The following DAB1 variants were observed in gnomAD, a reference collection of about 807,000 sequenced individuals.
The protein encoded by DAB1 is disabled homolog 1.
A neutral mutation model predicts 64.6 loss-of-function variants in DAB1; 15 were observed. The observed-to-expected ratio is 0.23, with a 90% CI of 0.16 to 0.36. DAB1 has a LOEUF of 0.36. DAB1 is among the 10% of genes least tolerant of loss of function. DAB1 has a pLI of 1.00. For synonymous variants in DAB1, 235 were observed against 251.9 expected, an observed-to-expected ratio of 0.93 and a Z score of 0.64; for missense variants, 596 against 706.7, an observed-to-expected ratio of 0.84 and a Z score of 1.78.
chr1:57,544,849 T>A (rs1225446004), intron 7 of DAB1, among the ~76,000 whole-genome samples: 1 of 152,226 alleles, frequency 6.6e-6, no homozygotes, highest in African/African-American at 2.4e-5. Flanking sequence ...TGCTTCCCTT[T>A]CCACCCGTGA....
intron 7 of DAB1, among the ~76,000 whole-genome samples, chr1:57,645,223 A>C (rs977446039): frequency 6.6e-6 from 1 of 152,194 alleles, no homozygotes; most frequent in African/African-American, 2.4e-5. Flanking sequence ...AATGTAATTC[A>C]ATCTAGTCAC....
intron 6 of DAB1, among the ~76,000 whole-genome samples, chr1:57,811,443 C>G (rs1354785519): frequency 6.6e-6 from 1 of 152,144 alleles, no homozygotes; most frequent in East Asian, 1.9e-4. Context: ...TCTGACTTCC[C>G]CTTTGCCTTC....
chr1:58,226,030 G>A (rs1195883360), intron 4 of DAB1, among the ~76,000 whole-genome samples: 3 of 150,426 alleles, frequency 2.0e-5, no homozygotes, highest in Non-Finnish European at 4.4e-5. Context: ...GGGAGCTTGA[G>A]CCAGGATTTG....
chr1:57,967,229 G>T (rs950530456), intron 5 of DAB1, among the ~76,000 whole-genome samples: 1 of 152,070 alleles, frequency 6.6e-6, no homozygotes, highest in Admixed American at 6.6e-5. Flanking sequence ...TCATTAATTA[G>T]CACTGTCCCT....
chr1:57,602,710 G>A (rs1645588993), intron 7 of DAB1, among the ~76,000 whole-genome samples: 1 of 152,132 alleles, frequency 6.6e-6, no homozygotes, highest in Non-Finnish European at 1.5e-5. Flanking sequence ...AGAACTGATA[G>A]ACCAAATTTA....
At chr1:58,523,769 G>A (rs1453408180) in intron 2 of DAB1, among the ~76,000 whole-genome samples, 3 of 152,148 alleles carry the variant, frequency 2.0e-5, no homozygotes, top group Non-Finnish European at 4.4e-5. Context: ...CATGGTGGTG[G>A]GTGCCTGTAA....
intron 4 of DAB1, among the ~76,000 whole-genome samples, chr1:58,191,119 G>A (rs1657366382): frequency 6.6e-6 from 1 of 152,200 alleles, no homozygotes; most frequent in African/African-American, 2.4e-5. Flanking sequence ...GATACATGGA[G>A]GATGGTGTAA....
intron 6 of DAB1, among the ~76,000 whole-genome samples, chr1:57,653,282 C>A (rs1200973273): frequency 6.6e-6 from 1 of 152,122 alleles, no homozygotes; most frequent in Non-Finnish European, 1.5e-5. Flanking sequence ...TAGTTGTATT[C>A]ATAAACAATA....
intron 6 of DAB1, among the ~76,000 whole-genome samples, chr1:57,748,357 G>C (rs1454965189): frequency 6.6e-6 from 1 of 152,104 alleles, no homozygotes; most frequent in African/African-American, 2.4e-5. Flanking sequence ...ATGAGATCTT[G>C]GTCATGCCAT....
intron 4 of DAB1, among the ~76,000 whole-genome samples, chr1:57,098,444 C>T (rs1442544802): frequency 6.6e-6 from 1 of 152,178 alleles, no homozygotes; most frequent in Non-Finnish European, 1.5e-5. Context: ...GAAAACAGCT[C>T]ACGGACCCCC....
intron 3 of DAB1, among the ~76,000 whole-genome samples, chr1:58,416,152 C>T (rs1644717912): frequency 6.6e-6 from 1 of 151,996 alleles, no homozygotes; most frequent in African/African-American, 2.4e-5. Flanking sequence ...GCAGTGTGTC[C>T]CAGCTCACAT....
chr1:57,356,281 A>G (rs975226746), intron 1 of DAB1, among the ~76,000 whole-genome samples: 6 of 152,120 alleles, frequency 3.9e-5, no homozygotes, highest in Admixed American at 2.0e-4. Context: ...CCTTGCCTTT[A>G]AAGTGGACAC....
At chr1:58,216,195 A>C (rs955009016) in intron 4 of DAB1, among the ~76,000 whole-genome samples, 1 of 150,908 alleles carries the variant, frequency 6.6e-6, no homozygotes. Context: ...CCACCCCCCA[A>C]CAGGCCTTGG....
intron 1 of DAB1, among the ~76,000 whole-genome samples, chr1:57,342,397 AT>A (rs1677663987): frequency 6.6e-6 from 1 of 152,196 alleles, no homozygotes; most frequent in Non-Finnish European, 1.5e-5. Flanking sequence ...AAGGGTTCAT[AT>A]TTTGTTATTT....
At position 57,765,266 on chromosome 1, in the gene DAB1, T is replaced by C. The variant is rs544062133; in HGVS notation, n.552-115601A>G. Among the ~76,000 whole-genome samples the C allele has an allele frequency of 1.6e-4, 24 of 152,294 alleles. 1 individual carries two copies. In the South Asian group the frequency reaches 3.1e-3, roughly 20 times the overall value. On this transcript the variant is annotated intron_variant and non_coding_transcript_variant, in intron 6 of 20. Coordinates refer to the DAB1 transcript ENST00000485760. The stretch of plus-strand genomic sequence containing the variant: ...TGAGGATATATTCCCTGGGTCAATA[T>C]ATAAAAGATGCTTTAGCTATAGTCT...
intron 9 of DAB1, among the ~76,000 whole-genome samples, chr1:57,054,328 C>T (rs1002635075): frequency 6.6e-6 from 1 of 152,076 alleles, no homozygotes; most frequent in Admixed American, 6.5e-5. Flanking sequence ...ACTTGAGTGG[C>T]CCTGTGAATG....
chr1:57,262,479 G>T (rs1414600188), intron 2 of DAB1, among the ~76,000 whole-genome samples: 3 of 152,188 alleles, frequency 2.0e-5, no homozygotes, highest in Non-Finnish European at 4.4e-5. Context: ...TGAAGATACA[G>T]ACAGAGCACT....
At chr1:57,391,969 G>C (rs750695846) in intron 1 of DAB1, among the ~76,000 whole-genome samples, 5 of 152,034 alleles carry the variant, frequency 3.3e-5, no homozygotes, top group East Asian at 1.9e-4. Context: ...TTTAGATCAG[G>C]CTCCACAATG....
rs1180662610 is a variant in DAB1, at chr1:57,781,086, T to TTC, written n.551+102911_551+102912dup. On this transcript the variant is annotated intron_variant and non_coding_transcript_variant, in intron 6 of 20. Coordinates refer to the DAB1 transcript ENST00000485760. ...TGCATATTTTATATATTTGAGATCA[T>TTC]TCTCTCTCTCTCTCTCTCTCTCTCT... Among the ~76,000 whole-genome samples the TTC allele has an allele frequency of 8.3e-3, 347 of 42,008 alleles. 4 individuals are homozygous for TTC. The highest frequency in any genetic ancestry group is 0.012 in the Non-Finnish European group (230 of 19,828). 27.6% of individuals were successfully genotyped at this position (42,008 alleles called of 152,430 possible). A position where few individuals can be genotyped will look rare whatever the true frequency, so the allele number is the denominator to read the frequency against.
Sources: allele counts gnomAD v4.1 joint callset (sites outside exome capture counted in the v4.1 genomes callset), GRCh38; gene constraint gnomAD v4.1.1; transcripts MANE v1.5; gene names NCBI Gene and HGNC (gene_info 2026-07-23, HGNC 2026-07-21).